PLXNC1: variants seen among roughly 807,000 people sequenced by gnomAD.
PLXNC1 encodes the protein plexin C1.
A neutral mutation model predicts 178.2 loss-of-function variants in PLXNC1; 75 were observed. That is an observed-to-expected ratio of 0.42 (90% CI 0.35 to 0.51). PLXNC1 has a LOEUF of 0.51. Among genes scored for constraint, PLXNC1 ranks in the 20% least tolerant of loss-of-function variants. The probability of loss-of-function intolerance (pLI) is 0.02; values close to 1 mark genes in which losing one functional copy is unlikely to be tolerated. For synonymous variants in PLXNC1, 790 were observed against 779.9 expected, an observed-to-expected ratio of 1.01 and a Z score of -0.22; for missense variants, 1,503 against 1,984.4, an observed-to-expected ratio of 0.76 and a Z score of 4.61.
rs191269612 is a variant in PLXNC1, at chr12:94,259,311, T to C, written c.3088-26T>C. ...CTTCATTTCCTTTGGATGTTATGAA[T>C]AATAAAAGTGTCTCCTTCCTCTCAG... is the stretch of plus-strand genomic sequence containing the variant. On this transcript the variant is annotated intron_variant, in intron 17 of 30. Transcript: ENST00000258526. The C allele has an allele frequency of 2.5e-5, 39 of 1,548,986 alleles. 1 individual carries two copies. The East Asian group carries it at 3.2e-4, about 13-fold the overall frequency.
chr12:94,238,636 A>G, intron 10 of PLXNC1, among the ~76,000 whole-genome samples: 1 of 152,222 alleles, frequency 6.6e-6, no homozygotes, highest in Non-Finnish European at 1.5e-5. Flanking sequence ...GCTTATTTTC[A>G]TCATGGAAAT....
chr12:94,225,435 A>T (rs750770384), intron 7 of PLXNC1, among the ~76,000 whole-genome samples: 5 of 152,244 alleles, frequency 3.3e-5, no homozygotes, highest in African/African-American at 9.6e-5. Context: ...TTTGAAAAAG[A>T]TGACACAAGG....
At position 94,149,517 on chromosome 12, in the gene PLXNC1, C is replaced by G; in HGVS notation, c.546C>G (p.Thr182=). 1 of 1,537,654 alleles carries G rather than the reference C, an allele frequency of 6.5e-7. No individual in the cohort carries two copies. Among genetic ancestry groups the G allele is most frequent in the African/African-American group, 1.4e-5 (1 of 73,046 alleles). ...GCTGGTACCTGGCGGTGGCCGCCACCTACGTGCTGCCTGAGCCGGAGACGG... is the reference window on the plus strand; with the variant it reads ...GCTGGTACCTGGCGGTGGCCGCCACGTACGTGCTGCCTGAGCCGGAGACGG... ...NNRWYLAVAA[T]YVLPEPETAS... The change falls in exon 1 of 31, where the codon ACC becomes ACG. Residue 182 remains threonine (T), a synonymous_variant. Coordinates refer to ENST00000258526, the MANE Select transcript of PLXNC1 (RefSeq NM_005761.3).
At position 94,156,087 on chromosome 12, in the gene PLXNC1, GT is replaced by G. The variant is rs1367492990; in HGVS notation, c.1062+6057del. Reference sequence around the variant, plus strand: ...AATTATTCAACCTTTCTGTGCCTCAGTTTCTTATCTATAAATAGTGATCCTC... The same window carrying G: ...AATTATTCAACCTTTCTGTGCCTCAGTTCTTATCTATAAATAGTGATCCTC... On this transcript the variant is annotated intron_variant, in intron 1 of 30. Coordinates refer to ENST00000258526, the MANE Select transcript of PLXNC1 (RefSeq NM_005761.3). 2.0e-5 allele frequency among the ~76,000 whole-genome samples: 3 copies of G among 152,166 alleles called. No homozygotes were observed. In the East Asian group the frequency reaches 5.8e-4, roughly 29 times the overall value.
chr12:94,175,985 G>A, intron 2 of PLXNC1, among the ~76,000 whole-genome samples: 1 of 152,326 alleles, frequency 6.6e-6, no homozygotes, highest in African/African-American at 2.4e-5. Context: ...TTGGAGACTT[G>A]AAAGATAAAG....
At position 94,149,040 on chromosome 12, in the gene PLXNC1, C is replaced by T. The variant is rs948719072; in HGVS notation, c.69C>T (p.Ala23=). The T allele has an allele frequency of 2.0e-6, 3 of 1,516,868 alleles. No individual in the cohort carries two copies. In the African/African-American group the frequency reaches 4.3e-5, roughly 22 times the overall value. The allele number at this position is 1,516,868 out of a possible 1,614,324, so 94.0% of individuals were successfully genotyped here. ...PRPAAPLPLL[A]YLLALAAPGR... Reference sequence around the variant, plus strand: ...CCGCAGCGCCACTGCCCCTGCTCGCCTATCTGCTGGCACTGGCGGCTCCCG... The same window carrying T: ...CCGCAGCGCCACTGCCCCTGCTCGCTTATCTGCTGGCACTGGCGGCTCCCG... Residue 23 remains alanine (A), a synonymous_variant, in exon 1 of 31, where the codon GCC becomes GCT. Coordinates refer to ENST00000258526, the MANE Select transcript of PLXNC1 (RefSeq NM_005761.3).
At chr12:94,202,795 C>A (rs79833316) in intron 4 of PLXNC1, among the ~76,000 whole-genome samples, 30 of 152,248 alleles carry the variant, frequency 2.0e-4, no homozygotes, top group African/African-American at 7.2e-4. Flanking sequence ...ACTCATCAAC[C>A]AAACTTACCT....
intron 4 of PLXNC1, among the ~76,000 whole-genome samples, chr12:94,190,450 A>G (rs1962680225): frequency 6.6e-6 from 1 of 152,100 alleles, no homozygotes; most frequent in Non-Finnish European, 1.5e-5. Context: ...CATGTTGCCC[A>G]GGCTGGTCTT....
At position 94,305,510 on chromosome 12, in the gene PLXNC1, G is replaced by T; in HGVS notation, c.*225G>T. 2.2e-6 allele frequency: 1 copy of T among 457,988 alleles called. No homozygotes were observed. Among genetic ancestry groups the T allele is most frequent in the Non-Finnish European group, 3.9e-6 (1 of 256,184 alleles). 28.4% of individuals were successfully genotyped at this position (457,988 alleles called of 1,614,324 possible). A position where few individuals can be genotyped will look rare whatever the true frequency, so the allele number is the denominator to read the frequency against. On this transcript the variant is annotated 3_prime_UTR_variant, in exon 31 of 31. Coordinates refer to ENST00000258526, the MANE Select transcript of PLXNC1 (RefSeq NM_005761.3). ...CCCTTCTGTAAATAGAGTTGAAGTG[G>T]TTGTTGCAAACAGCCTCCTTGTTTA...
chr12:94,289,383 A>G (rs1223959702), intron 23 of PLXNC1, among the ~76,000 whole-genome samples: 1 of 152,218 alleles, frequency 6.6e-6, no homozygotes, highest in Non-Finnish European at 1.5e-5. Flanking sequence ...ATCGAATCCT[A>G]GAACCCTGTG....
At chr12:94,286,939 A>T (rs1308709222) in intron 23 of PLXNC1, among the ~76,000 whole-genome samples, 1 of 152,172 alleles carries the variant, frequency 6.6e-6, no homozygotes, top group Non-Finnish European at 1.5e-5. Context: ...CATGGACTAG[A>T]TGCAGCCCCC....
chr12:94,240,571 A>G lies in PLXNC1; in HGVS notation c.2207A>G (p.Gln736Arg), dbSNP rs1964360542. 1 of 1,613,866 alleles carries G rather than the reference A, an allele frequency of 6.2e-7. No homozygotes were observed. Among genetic ancestry groups the G allele is most frequent in the Non-Finnish European group, 8.5e-7 (1 of 1,179,720 alleles). ...AAAGAAATGAAGGATGTGTGTATCC[A>G]GTTTGATGGTGGGAACTGCTCTTCT... is the stretch of plus-strand genomic sequence containing the variant. ...SRKEMKDVCI[Q>R]FDGGNCSSVG... Residue 736 changes from glutamine (Q) to arginine (R), a missense_variant, in exon 11 of 31, where the codon CAG becomes CGG. Coordinates refer to ENST00000258526, the MANE Select transcript of PLXNC1 (RefSeq NM_005761.3).
chr12:94,159,793 A>G (rs1961311206), intron 1 of PLXNC1, among the ~76,000 whole-genome samples: 2 of 152,236 alleles, frequency 1.3e-5, no homozygotes, highest in Non-Finnish European at 2.9e-5. Context: ...GAAAACCTGC[A>G]GGAGGCTCTT....
At chr12:94,262,551 T>G (rs1965022395) in intron 20 of PLXNC1, 2 of 985,262 alleles carry the variant, frequency 2.0e-6, no homozygotes, top group African/African-American at 3.5e-5. Flanking sequence ...TCTCGAGCAC[T>G]CTGAGTGGTG....
intron 4 of PLXNC1, among the ~76,000 whole-genome samples, chr12:94,193,755 G>T (rs571621513): frequency 6.6e-6 from 1 of 152,136 alleles, no homozygotes; most frequent in African/African-American, 2.4e-5. Context: ...AGATTACAGC[G>T]GAAGGAGTGC....
At chr12:94,232,688 A>C (rs1202571788) in intron 9 of PLXNC1, among the ~76,000 whole-genome samples, 1 of 152,172 alleles carries the variant, frequency 6.6e-6, no homozygotes, top group African/African-American at 2.4e-5. Context: ...ATTCATTTTC[A>C]TGAAGCAGTT....
chr12:94,181,387 A>C (rs888612795), intron 2 of PLXNC1, 59 bp from the exon 3 acceptor site: 1 of 237,744 alleles, frequency 4.2e-6, no homozygotes, highest in Non-Finnish European at 6.0e-6. Flanking sequence ...ATTCCGTCTC[A>C]AAAAAAAAAA....
chr12:94,249,218 A>C (rs564243820), intron 14 of PLXNC1, among the ~76,000 whole-genome samples: 8 of 152,086 alleles, frequency 5.3e-5, no homozygotes, highest in Non-Finnish European at 1.2e-4. Flanking sequence ...CTGTATGATA[A>C]ATGGGGTTAA....
chr12:94,254,959 A>G, intron 16 of PLXNC1, 71 bp downstream of exon 16: 1 of 1,219,254 alleles, frequency 8.2e-7, no homozygotes, highest in Non-Finnish European at 1.2e-6. Context: ...TTACCCTTAC[A>G]TAGAGATGGC....
Sources: gnomAD v4.1 joint callset for allele counts (sites outside exome capture counted in the v4.1 genomes callset) on GRCh38, gnomAD v4.1.1 for gene constraint, MANE v1.5 for transcripts, NCBI Gene and HGNC (gene_info 2026-07-23, HGNC 2026-07-21) for gene names.